The following ZNF841 variants were observed in gnomAD, a reference collection of about 807,000 sequenced individuals.
ZNF841 encodes the protein TCONS_00006091.
A neutral mutation model predicts 13.0 loss-of-function variants in ZNF841; 11 were observed. The ratio of observed to expected loss-of-function variants is 0.85; its 90% CI spans 0.53 to 1.40. ZNF841 has a LOEUF of 1.40. Ranked by LOEUF, ZNF841 falls within the 40% of genes most tolerant of loss-of-function variation. ZNF841 has a pLI of 0.00. For missense variants in ZNF841, 1,068 were observed against 1,139.5 expected (o/e 0.94, Z 0.90); for synonymous variants, 369 against 381.6 (o/e 0.97, Z 0.38).
intron 3 of ZNF841, among the ~76,000 whole-genome samples, chr19:52,088,353 T>A (rs1186942176): frequency 6.6e-6 from 1 of 152,176 alleles, no homozygotes; most frequent in Admixed American, 6.5e-5. Flanking sequence ...GAAAAATATT[T>A]TGAAGACTTG....
chr19:52,067,462 T>C lies in ZNF841; in HGVS notation c.420A>G (p.Glu140=). ...CACCATCTTTCCATTGAAAGTCAAC[T>C]TCCTGTAGATTTTTCCGGATTTCCC... ...YFREIRKNLQ[E]VDFQWKDGEI... is the part of the protein sequence containing the mutation. The change falls in exon 7 of 7, where the codon GAA becomes GAG. Residue 140 remains glutamate (E), a synonymous_variant. Transcript: ENST00000594440. 1 of 1,555,452 alleles carries C rather than the reference T, an allele frequency of 6.4e-7. No homozygotes were observed. Among genetic ancestry groups the C allele is most frequent in the Non-Finnish European group, 8.7e-7 (1 of 1,148,596 alleles).
At chr19:52,078,623 C>T (rs1051917930) in intron 4 of ZNF841, among the ~76,000 whole-genome samples, 7 of 149,598 alleles carry the variant, frequency 4.7e-5, no homozygotes, top group East Asian at 2.0e-4. Flanking sequence ...GGCATGAACC[C>T]GGGAAGCAGG....
intron 3 of ZNF841, among the ~76,000 whole-genome samples, chr19:52,087,589 C>T (rs966168632): frequency 1.3e-5 from 2 of 152,180 alleles, no homozygotes; most frequent in South Asian, 2.1e-4. Flanking sequence ...ACTAGCCTCC[C>T]GAACTACCAG....
At chr19:52,076,194 A>T in intron 5 of ZNF841, 22 bp from the exon 6 acceptor site, 1 of 1,548,374 alleles carries the variant, frequency 6.5e-7, no homozygotes, top group Non-Finnish European at 8.7e-7. Context: ...AAAAGAAAGA[A>T]GATGTCCCAC....
At chr19:52,094,328 C>G (rs998836962) in intron 1 of ZNF841, among the ~76,000 whole-genome samples, 7 of 152,196 alleles carry the variant, frequency 4.6e-5, no homozygotes, top group African/African-American at 1.7e-4. Flanking sequence ...CATATCCAAT[C>G]AACTGTCACG....
At chr19:52,076,228 TGTC>T in intron 5 of ZNF841, 56 bp from the exon 6 acceptor site, 1 of 1,529,292 alleles carries the variant, frequency 6.5e-7, no homozygotes, top group Non-Finnish European at 8.8e-7. Flanking sequence ...CCCAGCCTAA[TGTC>T]TAGGTAGAAG....
chr19:52,077,164 C>A (rs2087930967), intron 4 of ZNF841, 80 bp from the exon 5 acceptor site: 3 of 1,439,258 alleles, frequency 2.1e-6, no homozygotes, highest in East Asian at 4.9e-5. Context: ...AGAGAACTGT[C>A]ACATCAATTT....
intron 2 of ZNF841, among the ~76,000 whole-genome samples, chr19:52,091,518 A>G (rs984659150): frequency 1.3e-5 from 2 of 152,218 alleles, no homozygotes; most frequent in African/African-American, 2.4e-5. Context: ...AACACAAGAG[A>G]GCCCAGAAAT....
At chr19:52,078,589 C>T (rs183406738) in intron 4 of ZNF841, among the ~76,000 whole-genome samples, 1 of 151,506 alleles carries the variant, frequency 6.6e-6, no homozygotes, top group Non-Finnish European at 1.5e-5. Flanking sequence ...ATCCCAGCTA[C>T]TCGGGAGGCT....
At chr19:52,071,718 C>A (rs2087743317) in intron 6 of ZNF841, among the ~76,000 whole-genome samples, 1 of 150,636 alleles carries the variant, frequency 6.6e-6, no homozygotes, top group African/African-American at 2.4e-5. Flanking sequence ...AAGACACACA[C>A]AATGGAAATA....
rs375361341 is a variant in ZNF841 at position 52,065,558 on chromosome 19, C to T, written c.2324G>A (p.Arg775His). The T allele has an allele frequency of 2.4e-5, 38 of 1,613,770 alleles. No homozygotes were observed. Among genetic ancestry groups the T allele is most frequent in the South Asian group, 7.7e-5 (7 of 91,044 alleles). The change falls in exon 7 of 7, where the codon CGT becomes CAT. Residue 775 changes from arginine to histidine, a missense_variant. Arg to His is a conservative substitution (Grantham distance 29). Coordinates refer to ENST00000594440, the MANE Select transcript of ZNF841 (RefSeq NM_001136499.2). ...YKCNECGKVF[R>H]YRSGLARHWS... is the part of the protein sequence containing the mutation. ...ATGACGTGCGAGGCCTGAGCGATAA[C>T]GGAAGACCTTGCCACATTCATTACA...
intron 6 of ZNF841, among the ~76,000 whole-genome samples, chr19:52,068,848 T>C (rs150241826): frequency 1.2e-3 from 177 of 152,026 alleles, no homozygotes; most frequent in African/African-American, 4.1e-3. Context: ...GATGCATGCC[T>C]GTAATCCCAA....
chr19:52,092,378 G>A (rs1226372197), intron 2 of ZNF841, among the ~76,000 whole-genome samples: 2 of 152,032 alleles, frequency 1.3e-5, no homozygotes, highest in Non-Finnish European at 2.9e-5. Context: ...ATGACCAACA[G>A]GTATATAATA....
chr19:52,063,937 T>TTA (rs1034966597), downstream of ZNF841, among the ~76,000 whole-genome samples: 15 of 152,174 alleles, frequency 9.9e-5, no homozygotes, highest in African/African-American at 3.4e-4. Context: ...GCACTTTGAG[T>TTA]TATAGATCCA....
rs377045580 is a variant in ZNF841 at position 52,084,718 on chromosome 19, T to C, written c.15+69A>G. The C allele has an allele frequency of 5.8e-6, 9 of 1,545,336 alleles. No homozygotes were observed. In the East Asian group the frequency reaches 6.8e-5, roughly 12 times the overall value. The stretch of plus-strand genomic sequence containing the variant: ...AGGATACTTCAGACTCAGAGAAGAT[T>C]TGCAGCTCCAATGCCCTGCATTTCA... On this transcript the variant is annotated intron_variant, in intron 4 of 6. Coordinates refer to ENST00000594440, the MANE Select transcript of ZNF841 (RefSeq NM_001136499.2).
At position 52,084,724 on chromosome 19, in the gene ZNF841, C is replaced by T. The variant is rs144928386; in HGVS notation, c.15+63G>A. 1.7e-4 allele frequency: 267 copies of T among 1,570,454 alleles called. 1 individual carries two copies. The East Asian group carries it at 5.0e-3, about 29-fold the overall frequency. Reference sequence around the variant, plus strand: ...CTTCAGACTCAGAGAAGATTTGCAGCTCCAATGCCCTGCATTTCAAAAAGG... The same window carrying T: ...CTTCAGACTCAGAGAAGATTTGCAGTTCCAATGCCCTGCATTTCAAAAAGG... On this transcript the variant is annotated intron_variant, in intron 4 of 6. Coordinates refer to ENST00000594440, the MANE Select transcript of ZNF841 (RefSeq NM_001136499.2).
chr19:52,059,913 C>T (rs1350075508), downstream of ZNF841, among the ~76,000 whole-genome samples: 5 of 152,138 alleles, frequency 3.3e-5, no homozygotes, highest in South Asian at 2.1e-4. Context: ...CAGATATTTG[C>T]GTAGGAGTGT....
chr19:52,091,356 T>C (rs1019544036), intron 2 of ZNF841, among the ~76,000 whole-genome samples: 1 of 152,156 alleles, frequency 6.6e-6, no homozygotes, highest in African/African-American at 2.4e-5. Context: ...ACCCTAAAAC[T>C]TTTATACAAC....
At chr19:52,077,687 A>G (rs1379338167) in intron 4 of ZNF841, among the ~76,000 whole-genome samples, 3 of 152,234 alleles carry the variant, frequency 2.0e-5, no homozygotes, top group Admixed American at 1.3e-4. Context: ...CTGAACCCAG[A>G]TGTCTAAAAA....
Sources: gnomAD v4.1 joint callset for allele counts (sites outside exome capture counted in the v4.1 genomes callset) on GRCh38, gnomAD v4.1.1 for gene constraint, MANE v1.5 for transcripts, NCBI Gene and HGNC (gene_info 2026-07-23, HGNC 2026-07-21) for gene names.